The following REDIC1 variants were observed in gnomAD, a reference collection of about 807,000 sequenced individuals.
REDIC1 encodes regulator of DNA class I crossover intermediates 1.
chr12:39,786,386 G>GCCTCCCCAGCCATGATTCTGAGA, the REDIC1 span, among the ~76,000 whole-genome samples: 1 of 152,202 alleles, frequency 6.6e-6, no homozygotes, highest in East Asian at 1.9e-4. Context: ...TGATTCTGAG[G>GCCTCCCCAGCCATGATTCTGAGA]CCTCCCCAGC....
chr12:39,647,856 T>G, the REDIC1 span: 37 of 1,608,772 alleles, frequency 2.3e-5, no homozygotes, highest in Non-Finnish European at 3.1e-5. Flanking sequence ...AACTGCAGTT[T>G]CACTCCATCA....
the REDIC1 span, among the ~76,000 whole-genome samples, chr12:39,896,569 T>C: frequency 3.8e-5 from 4 of 106,478 alleles, no homozygotes; most frequent in Admixed American, 1.1e-4. Flanking sequence ...TACATATATG[T>C]ATGTATGTGT....
the REDIC1 span, among the ~76,000 whole-genome samples, chr12:39,729,154 C>A: frequency 6.6e-6 from 1 of 151,984 alleles, no homozygotes; most frequent in Non-Finnish European, 1.5e-5. Flanking sequence ...ATGTCTCTAT[C>A]TCCTTTAGTT....
At chr12:39,634,366 G>A in the REDIC1 span, among the ~76,000 whole-genome samples, 7 of 152,022 alleles carry the variant, frequency 4.6e-5, no homozygotes, top group Admixed American at 2.0e-4. Context: ...GAGGCATCAC[G>A]CTGCCTGACC....
At chr12:39,716,811 C>G in the REDIC1 span, 1 of 1,600,594 alleles carries the variant, frequency 6.2e-7, no homozygotes, top group African/African-American at 1.3e-5. Flanking sequence ...GACCAACAGA[C>G]AGCTGTTTCA....
At chr12:39,905,818 C>T in the REDIC1 span, among the ~76,000 whole-genome samples, 1 of 36,214 alleles carries the variant, frequency 2.8e-5, no homozygotes, top group Non-Finnish European at 5.0e-5. Context: ...TATTAAAATG[C>T]CCAGAAAAAA....
the REDIC1 span, chr12:39,755,823 A>G: frequency 6.6e-6 from 1 of 152,086 alleles, no homozygotes; most frequent in African/African-American, 2.4e-5. Context: ...TACATAAATT[A>G]TATTGTTTTA....
At chr12:39,704,794 T>C in the REDIC1 span, among the ~76,000 whole-genome samples, 439 of 152,122 alleles carry the variant, frequency 2.9e-3, 3 homozygotes, top group African/African-American at 1.0e-2. Flanking sequence ...AAATTGGAAA[T>C]CATCATTCTC....
chr12:39,717,959 T>A, the REDIC1 span, among the ~76,000 whole-genome samples: 55 of 150,564 alleles, frequency 3.7e-4, no homozygotes, highest in African/African-American at 1.2e-3. Flanking sequence ...CTTGAAACCC[T>A]TCACCTTTCA....
At chr12:39,735,023 T>C in the REDIC1 span, among the ~76,000 whole-genome samples, 1 of 152,264 alleles carries the variant, frequency 6.6e-6, no homozygotes, top group African/African-American at 2.4e-5. Context: ...AGCAATCTTT[T>C]GCCTAGAGTG....
chr12:39,682,012 G>T, the REDIC1 span, among the ~76,000 whole-genome samples: 11 of 136,556 alleles, frequency 8.1e-5, no homozygotes, highest in South Asian at 2.3e-4. Flanking sequence ...AATTATTTCT[G>T]CATTAGAATA....
chr12:39,629,240 A>C, the REDIC1 span, among the ~76,000 whole-genome samples: 1 of 152,212 alleles, frequency 6.6e-6, no homozygotes, highest in Non-Finnish European at 1.5e-5. Context: ...GATGAGTTGG[A>C]AGGGAAGGTA....
chr12:39,716,803 C>T, the REDIC1 span: 3 of 1,601,496 alleles, frequency 1.9e-6, no homozygotes, highest in Admixed American at 3.5e-5. Flanking sequence ...CTCTCCAAGA[C>T]CAACAGACAG....
chr12:39,713,879 A>G, the REDIC1 span, among the ~76,000 whole-genome samples: 67 of 148,590 alleles, frequency 4.5e-4, no homozygotes, highest in Non-Finnish European at 9.4e-4. Flanking sequence ...ATGTATATTT[A>G]CGTATATACA....
At chr12:39,756,352 A>T in the REDIC1 span, 1 of 151,892 alleles carries the variant, frequency 6.6e-6, no homozygotes, top group Admixed American at 6.6e-5. Context: ...GTAATTAAAA[A>T]CTTGTCACAA....
At chr12:39,825,043 T>C in the REDIC1 span, among the ~76,000 whole-genome samples, 2 of 152,156 alleles carry the variant, frequency 1.3e-5, no homozygotes, top group African/African-American at 4.8e-5. Context: ...AGAGTGCAGC[T>C]TTGAGAAAAA....
the REDIC1 span, among the ~76,000 whole-genome samples, chr12:39,680,007 T>G: frequency 1.6e-3 from 246 of 152,012 alleles, no homozygotes; most frequent in Middle Eastern, 6.8e-3. Flanking sequence ...ATAAAAAACT[T>G]TAAGACATGA....
At chr12:39,816,637 G>A in the REDIC1 span, among the ~76,000 whole-genome samples, 1 of 137,278 alleles carries the variant, frequency 7.3e-6, no homozygotes, top group Non-Finnish European at 1.6e-5. Context: ...ATATTAGTAA[G>A]CTGGACATGG....
At chr12:39,682,808 A>G in the REDIC1 span, 1 of 1,612,626 alleles carries the variant, frequency 6.2e-7, no homozygotes, top group Non-Finnish European at 8.5e-7. Context: ...CTATCAGAGA[A>G]TTGTGACTCT....
Sources: gnomAD v4.1 joint callset for allele counts (sites outside exome capture counted in the v4.1 genomes callset) on GRCh38, gnomAD v4.1.1 for gene constraint, MANE v1.5 for transcripts, NCBI Gene and HGNC (gene_info 2026-07-23, HGNC 2026-07-21) for gene names.